SNTB1: variants seen among roughly 807,000 people sequenced by gnomAD.
SNTB1 encodes beta-1-syntrophin.
Under a neutral mutation model 48.9 loss-of-function variants are expected in SNTB1, and 36 were observed. The observed-to-expected ratio is 0.74, with a 90% confidence interval of 0.56 to 0.97. The LOEUF (loss-of-function observed/expected upper bound fraction) is 0.97, where lower values mean the gene tolerates loss of function less well. SNTB1 is among the 50% of genes least tolerant of loss of function. SNTB1 has a pLI of 0.00. For synonymous variants in SNTB1, 299 were observed against 294.6 expected (o/e 1.01, Z -0.15); for missense variants, 786 against 703.4 (o/e 1.12, Z -1.33).
intron 3 of SNTB1, among the ~76,000 whole-genome samples, chr8:120,609,246 G>A (rs1367078291): frequency 6.6e-6 from 1 of 152,158 alleles, no homozygotes; most frequent in Non-Finnish European, 1.5e-5. Context: ...AACTAGACAA[G>A]CCAAAGATTC....
intron 1 of SNTB1, among the ~76,000 whole-genome samples, chr8:120,753,138 T>G (rs1329268963): frequency 6.6e-6 from 1 of 152,034 alleles, no homozygotes; most frequent in East Asian, 1.9e-4. Flanking sequence ...TCACAGGCAG[T>G]TTGGGCATAG....
At chr8:120,693,232 C>CCAAA (rs1818157409) in intron 2 of SNTB1, among the ~76,000 whole-genome samples, 1 of 152,138 alleles carries the variant, frequency 6.6e-6, no homozygotes, top group Non-Finnish European at 1.5e-5. Context: ...CTCACTGGAC[C>CCAAA]CCCATCTCCA....
intron 1 of SNTB1, among the ~76,000 whole-genome samples, chr8:120,775,707 CAAGGAAGG>C (rs371412589): frequency 0.12 from 13,572 of 114,224 alleles, 837 homozygotes; most frequent in South Asian, 0.18. Context: ...GGGAAGGAGA[CAAGGAAGG>C]AAGGAAGGAA....
intron 1 of SNTB1, among the ~76,000 whole-genome samples, chr8:120,695,725 T>C (rs552865371): frequency 6.6e-6 from 1 of 152,318 alleles, no homozygotes; most frequent in South Asian, 2.1e-4. Flanking sequence ...TGGACCTTTA[T>C]TGAGGGACTC....
intron 2 of SNTB1, among the ~76,000 whole-genome samples, chr8:120,653,043 C>A (rs937707223): frequency 3.3e-5 from 5 of 152,100 alleles, no homozygotes; most frequent in Admixed American, 6.6e-5. Context: ...AGGTGTCTGG[C>A]GTGTGTCATG....
At chr8:120,579,893 G>A (rs369971660) in intron 3 of SNTB1, among the ~76,000 whole-genome samples, 19 of 152,228 alleles carry the variant, frequency 1.2e-4, no homozygotes, top group Non-Finnish European at 2.5e-4. Context: ...CAGTAAACAG[G>A]CAATCCTTAA....
At chr8:120,713,270 C>T (rs1295185251) in intron 1 of SNTB1, among the ~76,000 whole-genome samples, 1 of 152,098 alleles carries the variant, frequency 6.6e-6, no homozygotes, top group African/African-American at 2.4e-5. Flanking sequence ...GTACTCAGAC[C>T]TTACATGCAT....
Position 120,598,297 on chromosome 8 carries a change from C to T in SNTB1, c.997-23072G>A, listed in dbSNP as rs183036488. 7.6e-4 allele frequency among the ~76,000 whole-genome samples: 116 copies of T among 152,318 alleles called. 1 individual carries two copies. Among genetic ancestry groups the T allele is most frequent in the African/African-American group, 2.6e-3 (108 of 41,564 alleles). On this transcript the variant is annotated intron_variant, in intron 3 of 6. Coordinates refer to ENST00000517992, the MANE Select transcript of SNTB1 (RefSeq NM_021021.4). The stretch of plus-strand genomic sequence containing the variant: ...ATTGGGTCTCCACATTTCCACATGA[C>T]TTCTTCATCCTCATCTCTGCACATT...
chr8:120,683,278 C>A (rs1186795112), intron 2 of SNTB1, among the ~76,000 whole-genome samples: 1 of 152,086 alleles, frequency 6.6e-6, no homozygotes, highest in African/African-American at 2.4e-5. Flanking sequence ...ATATACACAG[C>A]CGATTACAAG....
At chr8:120,761,050 G>T (rs981451172) in intron 1 of SNTB1, among the ~76,000 whole-genome samples, 8 of 152,092 alleles carry the variant, frequency 5.3e-5, no homozygotes, top group African/African-American at 9.7e-5. Flanking sequence ...TATAAACAAG[G>T]AAAGGAATTA....
At chr8:120,739,553 A>G (rs1819009043) in intron 1 of SNTB1, among the ~76,000 whole-genome samples, 1 of 152,248 alleles carries the variant, frequency 6.6e-6, no homozygotes. Context: ...TATCTTTTGT[A>G]GAGGAATTCG....
At chr8:120,762,586 C>A (rs941108726) in intron 1 of SNTB1, among the ~76,000 whole-genome samples, 4 of 152,106 alleles carry the variant, frequency 2.6e-5, no homozygotes, top group Admixed American at 6.5e-5. Context: ...AGGCTCGTTG[C>A]CAACATGTTA....
chr8:120,789,555 G>T (rs539487165), intron 1 of SNTB1, among the ~76,000 whole-genome samples: 1 of 151,732 alleles, frequency 6.6e-6, no homozygotes, highest in Non-Finnish European at 1.5e-5. Context: ...GAGACATTAC[G>T]ACTGACACTA....
intron 1 of SNTB1, among the ~76,000 whole-genome samples, chr8:120,702,327 G>T (rs1288249161): frequency 6.6e-6 from 1 of 152,122 alleles, no homozygotes; most frequent in Non-Finnish European, 1.5e-5. Flanking sequence ...TCACCATCTG[G>T]CACCTGCCTA....
chr8:120,741,018 C>T (rs1282872281), intron 1 of SNTB1, among the ~76,000 whole-genome samples: 1 of 152,186 alleles, frequency 6.6e-6, no homozygotes, highest in Non-Finnish European at 1.5e-5. Context: ...CAGCCTGTGA[C>T]TTTAATCACT....
intron 4 of SNTB1, among the ~76,000 whole-genome samples, chr8:120,566,453 T>C (rs1243893191): frequency 6.6e-6 from 1 of 151,766 alleles, no homozygotes; most frequent in East Asian, 1.9e-4. Context: ...GAACACGACT[T>C]CACCAGACAG....
At chr8:120,672,451 G>T (rs1474081212) in intron 2 of SNTB1, among the ~76,000 whole-genome samples, 1 of 152,152 alleles carries the variant, frequency 6.6e-6, no homozygotes, top group Non-Finnish European at 1.5e-5. Flanking sequence ...CCATTCCAAA[G>T]AATGACTTTC....
chr8:120,794,087 C>T (rs1242729556), intron 1 of SNTB1, among the ~76,000 whole-genome samples: 2 of 151,978 alleles, frequency 1.3e-5, no homozygotes, highest in African/African-American at 4.8e-5. Context: ...CTCCCTTCCC[C>T]TTCATGAACA....
intron 3 of SNTB1, among the ~76,000 whole-genome samples, chr8:120,590,083 C>T (rs1587012029): frequency 6.6e-6 from 1 of 152,200 alleles, no homozygotes. Flanking sequence ...GTTCACATTC[C>T]TATGGACAGG....
Sources: gnomAD v4.1 joint callset for allele counts (sites outside exome capture counted in the v4.1 genomes callset) on GRCh38, gnomAD v4.1.1 for gene constraint, MANE v1.5 for transcripts, NCBI Gene and HGNC (gene_info 2026-07-23, HGNC 2026-07-21) for gene names.